The following NTN1 variants were observed in gnomAD, a reference collection of about 807,000 sequenced individuals.
The protein encoded by NTN1 is netrin 1.
NTN1 carries 11 observed loss-of-function variants against 54.2 expected under a neutral mutation model. The ratio of observed to expected loss-of-function variants is 0.20; its 90% CI spans 0.13 to 0.34. The LOEUF is 0.34. NTN1 is among the 10% of genes least tolerant of loss of function. The pLI is 1.00. For synonymous variants in NTN1, 371 were observed against 382.0 expected (o/e 0.97, Z 0.33); for missense variants, 740 against 893.1 (o/e 0.83, Z 2.18).
At position 9,167,776 on chromosome 17, in the gene NTN1, C is replaced by CT. The variant is rs1555572752; in HGVS notation, c.1207+4776dup. Among the ~76,000 whole-genome samples the CT allele has an allele frequency of 8.8e-3, 1,342 of 152,098 alleles. 13 individuals carry two copies. The highest frequency in any genetic ancestry group is 0.03 in the African/African-American group (1,260 of 41,474). On this transcript the variant is annotated intron_variant, in intron 3 of 6. Transcript: ENST00000173229. ...GAAATGAACACCACAGTCTTGCCCC[C>CT]TCTGTTTCCTTGGGTCACTGTGTGC...
intron 6 of NTN1, among the ~76,000 whole-genome samples, chr17:9,222,696 C>G (rs563419932): frequency 6.6e-6 from 1 of 152,118 alleles, no homozygotes; most frequent in Non-Finnish European, 1.5e-5. Context: ...TCCCTGACCC[C>G]GTGGGGGTCC....
intron 2 of NTN1, among the ~76,000 whole-genome samples, chr17:9,131,105 C>T (rs2092263542): frequency 6.6e-6 from 1 of 152,216 alleles, no homozygotes; most frequent in South Asian, 2.1e-4. Context: ...GCTGTTTCCT[C>T]TCCTGACAAG....
rs564614677 is a variant in NTN1, at chr17:9,167,801, C to A, written c.1207+4800C>A. Reference sequence around the variant, plus strand: ...CTCTGTTTCCTTGGGTCACTGTGTGCAGGGGACTCCCCATGACTTTCTCAT... The same window carrying A: ...CTCTGTTTCCTTGGGTCACTGTGTGAAGGGGACTCCCCATGACTTTCTCAT... On this transcript the variant is annotated intron_variant, in intron 3 of 6. Coordinates refer to ENST00000173229, the MANE Select transcript of NTN1 (RefSeq NM_004822.3). Among the ~76,000 whole-genome samples the A allele has an allele frequency of 7.2e-5, 11 of 152,302 alleles. No individual in the cohort carries two copies. In the South Asian group the frequency reaches 2.3e-3, roughly 32 times the overall value.
chr17:9,032,230 A>G (rs1287681948), intron 2 of NTN1, among the ~76,000 whole-genome samples: 1 of 152,204 alleles, frequency 6.6e-6, no homozygotes, highest in East Asian at 1.9e-4. Context: ...AGTCCACATC[A>G]CATTTGCCTG....
At chr17:9,163,477 A>AACACACAC (rs55765967) in intron 3 of NTN1, among the ~76,000 whole-genome samples, 50 of 142,784 alleles carry the variant, frequency 3.5e-4, no homozygotes, top group East Asian at 3.3e-3. Context: ...TCCCCCCCGA[A>AACACACAC]ACACACACAC....
At chr17:9,011,921 G>C in the NTN1 span, among the ~76,000 whole-genome samples, 3 of 152,160 alleles carry the variant, frequency 2.0e-5, no homozygotes, top group South Asian at 6.2e-4. Context: ...GCACAGAGCT[G>C]GTCACCACTT....
Position 9,131,876 on chromosome 17 carries a change from T to C in NTN1, c.1019-30937T>C, listed in dbSNP as rs2092266586. ...TGGAGTGCAGTAGCATGATCTCGAC[T>C]CACTGCAACCTCTGCCTCCTAGGTT... On this transcript the variant is annotated intron_variant, in intron 2 of 6. Coordinates refer to ENST00000173229, the MANE Select transcript of NTN1 (RefSeq NM_004822.3). Among the ~76,000 whole-genome samples, 6 of 152,206 alleles carry C rather than the reference T, an allele frequency of 3.9e-5. No individual in the cohort carries two copies. The South Asian group carries it at 1.2e-3, about 32-fold the overall frequency.
At chr17:9,007,071 G>A in the NTN1 span, among the ~76,000 whole-genome samples, 1 of 152,326 alleles carries the variant, frequency 6.6e-6, no homozygotes, top group Non-Finnish European at 1.5e-5. Flanking sequence ...ATAATTACGA[G>A]TACAATTGTG....
chr17:9,038,596 G>A lies in NTN1; in HGVS notation c.1018+15205G>A, dbSNP rs2091911242. On this transcript the variant is annotated intron_variant, in intron 2 of 6. Coordinates refer to ENST00000173229, the MANE Select transcript of NTN1 (RefSeq NM_004822.3). ...TGTGGGTGCTAAATCCTAAGCTCAAGGCATTAAAGCCTGTTTCCAGGTCTA... is the reference window on the plus strand; with the variant it reads ...TGTGGGTGCTAAATCCTAAGCTCAAAGCATTAAAGCCTGTTTCCAGGTCTA... Among the ~76,000 whole-genome samples, 3 of 152,004 alleles carry A rather than the reference G, an allele frequency of 2.0e-5. No individual in the cohort carries two copies. The South Asian group carries it at 6.2e-4, about 31-fold the overall frequency.
chr17:9,043,728 G>A (rs576274190), intron 2 of NTN1, among the ~76,000 whole-genome samples: 27 of 152,074 alleles, frequency 1.8e-4, no homozygotes, highest in African/African-American at 6.3e-4. Context: ...TTACAGGCAT[G>A]TGTCACCACG....
chr17:9,166,191 ACCACCACCACCACCACCAGCACCT>A (rs2092372866), intron 3 of NTN1, among the ~76,000 whole-genome samples: 1 of 72,558 alleles, frequency 1.4e-5, no homozygotes, highest in South Asian at 4.9e-4. Context: ...CACCACCACC[ACCACCACCACCACCACCAGCACCT>A]CCTGCCTTGT....
chr17:9,124,535 T>A (rs1431852696), intron 2 of NTN1, among the ~76,000 whole-genome samples: 1 of 152,228 alleles, frequency 6.6e-6, no homozygotes, highest in African/African-American at 2.4e-5. Flanking sequence ...CACACTCAGC[T>A]GTGCTTTCCT....
chr17:9,115,139 G>C (rs1410728706), intron 2 of NTN1, among the ~76,000 whole-genome samples: 1 of 152,208 alleles, frequency 6.6e-6, no homozygotes, highest in African/African-American at 2.4e-5. Context: ...CTCTCCTTCT[G>C]CCTCAGCTCC....
chr17:9,138,644 G>A (rs528631713), intron 2 of NTN1, among the ~76,000 whole-genome samples: 3 of 152,218 alleles, frequency 2.0e-5, no homozygotes, highest in Non-Finnish European at 4.4e-5. Context: ...TGACAGCCGC[G>A]TGCCGGGTAC....
intron 2 of NTN1, among the ~76,000 whole-genome samples, chr17:9,100,968 T>C (rs1392280501): frequency 6.6e-6 from 1 of 152,202 alleles, no homozygotes; most frequent in Non-Finnish European, 1.5e-5. Flanking sequence ...TTTCCTACCA[T>C]TGAGATCTCC....
At position 9,243,890 on chromosome 17, in the gene NTN1, G is replaced by C. The variant is rs1014948927; in HGVS notation, c.*3922G>C. ...ATTTTCTTTCTTTCCTTTTTTTTGG[G>C]GGGGGGTGGGGGGTTGGTTAGAGTT... On this transcript the variant is annotated 3_prime_UTR_variant, in exon 7 of 7. Coordinates refer to ENST00000173229, the MANE Select transcript of NTN1 (RefSeq NM_004822.3). The C allele has an allele frequency of 6.9e-6, 1 of 144,870 alleles. No individual in the cohort carries two copies. The highest frequency in any genetic ancestry group is 1.5e-5 in the Non-Finnish European group (1 of 66,886). The allele number at this position is 144,870 out of a possible 1,614,324, so 9.0% of individuals were successfully genotyped here.
chr17:9,228,904 G>C (rs563837715), intron 6 of NTN1, among the ~76,000 whole-genome samples: 1 of 38,812 alleles, frequency 2.6e-5, no homozygotes. Context: ...GATTGTGTTC[G>C]TGACTGTGTG....
At chr17:9,183,089 C>T in intron 5 of NTN1, 120 bp downstream of exon 5, 1 of 1,025,574 alleles carries the variant, frequency 9.8e-7, no homozygotes, top group Non-Finnish European at 1.5e-6. Context: ...CCGGGCTCTG[C>T]TCCGTATGAG....
At chr17:9,120,250 A>T (rs543585863) in intron 2 of NTN1, among the ~76,000 whole-genome samples, 1 of 147,224 alleles carries the variant, frequency 6.8e-6, no homozygotes, top group South Asian at 2.2e-4. Context: ...ATGCCACTGC[A>T]CTCCAGCCTG....
Sources: allele counts gnomAD v4.1 joint callset (sites outside exome capture counted in the v4.1 genomes callset), GRCh38; gene constraint gnomAD v4.1.1; transcripts MANE v1.5; gene names NCBI Gene and HGNC (gene_info 2026-07-23, HGNC 2026-07-21).